Variants in XKR4 observed in about 807,000 individuals in gnomAD.
XKR4 encodes XK-related protein 4.
A neutral mutation model predicts 53.9 loss-of-function variants in XKR4; 12 were observed. The observed-to-expected ratio is 0.22, with a 90% CI of 0.14 to 0.36. The LOEUF (loss-of-function observed/expected upper bound fraction) is 0.36, where lower values mean the gene tolerates loss of function less well. Among genes scored for constraint, XKR4 ranks in the 10% least tolerant of loss-of-function variants. XKR4 has a pLI of 1.00. For missense variants in XKR4, 799 were observed against 859.5 expected (o/e 0.93, Z 0.88); for synonymous variants, 354 against 362.4 (o/e 0.98, Z 0.26).
At chr8:55,119,423 A>G (rs905633334) in intron 1 of XKR4, among the ~76,000 whole-genome samples, 3 of 151,486 alleles carry the variant, frequency 2.0e-5, no homozygotes, top group East Asian at 1.9e-4. Flanking sequence ...TGTTAAGCAG[A>G]AAAAAAAAGG....
At chr8:55,382,768 G>GTT (rs200178560) in intron 2 of XKR4, among the ~76,000 whole-genome samples, 2 of 151,314 alleles carry the variant, frequency 1.3e-5, no homozygotes, top group East Asian at 3.9e-4. Flanking sequence ...TTAGCATCTG[G>GTT]TTTTTTTTTA....
intron 1 of XKR4, among the ~76,000 whole-genome samples, chr8:55,351,313 T>G (rs1291094373): frequency 6.6e-6 from 1 of 152,210 alleles, no homozygotes; most frequent in African/African-American, 2.4e-5. Flanking sequence ...TGTCTTATTA[T>G]GTGAAACTCT....
rs74342108 is a variant in XKR4 at position 55,129,859 on chromosome 8, C to T, written c.806+26565C>T. ...TTCTACCTGTAGGGTTTCTGAGACA[C>T]AGAGAGGAGCGGTGTTAAGAGCACG... On this transcript the variant is annotated intron_variant, in intron 1 of 2. Transcript: ENST00000327381. Among the ~76,000 whole-genome samples the T allele has an allele frequency of 6.3e-3, 964 of 152,190 alleles. 11 individuals carry two copies. The highest frequency in any genetic ancestry group is 0.022 in the African/African-American group (927 of 41,516).
intron 2 of XKR4, 65 bp from the exon 3 acceptor site, chr8:55,523,216 G>A: frequency 7.1e-7 from 1 of 1,412,404 alleles, no homozygotes; most frequent in Non-Finnish European, 9.5e-7. Context: ...CCAGCTCTGT[G>A]TGACTTCCAG....
chr8:55,361,299 G>A (rs1416917979), intron 2 of XKR4, among the ~76,000 whole-genome samples: 1 of 152,008 alleles, frequency 6.6e-6, no homozygotes, highest in Admixed American at 6.6e-5. Flanking sequence ...GGGAGAGGAG[G>A]GCAGGCAGGA....
At chr8:55,333,031 T>C (rs1478982761) in intron 1 of XKR4, among the ~76,000 whole-genome samples, 1 of 152,046 alleles carries the variant, frequency 6.6e-6, no homozygotes, top group African/African-American at 2.4e-5. Flanking sequence ...AATTTTTCAA[T>C]TCATTTATTA....
chr8:55,273,752 C>G (rs1251625250), intron 1 of XKR4, among the ~76,000 whole-genome samples: 2 of 152,198 alleles, frequency 1.3e-5, no homozygotes, highest in Non-Finnish European at 2.9e-5. Flanking sequence ...GCCAAGTTAT[C>G]CTTAAAAACG....
In XKR4 at chr8:55,131,634, G is replaced by A. The variant is rs898637970; in HGVS notation, c.806+28340G>A. Among the ~76,000 whole-genome samples the A allele has an allele frequency of 9.2e-5, 14 of 152,284 alleles. No individual in the cohort carries two copies. The East Asian group carries it at 2.1e-3, about 23-fold the overall frequency. ...AGTGGAGTTAAATAACTCAGTGCGC[G>A]ATTGACATGCTCATCACAAGGCCTT... On this transcript the variant is annotated intron_variant, in intron 1 of 2. Transcript: ENST00000327381.
intron 1 of XKR4, among the ~76,000 whole-genome samples, chr8:55,157,997 T>C (rs1416577600): frequency 6.6e-6 from 1 of 152,238 alleles, no homozygotes; most frequent in Non-Finnish European, 1.5e-5. Flanking sequence ...TGTGTCTTTA[T>C]GGTAGAATGA....
At chr8:55,447,705 G>A (rs1380630189) in intron 2 of XKR4, among the ~76,000 whole-genome samples, 3 of 152,172 alleles carry the variant, frequency 2.0e-5, no homozygotes, top group Non-Finnish European at 4.4e-5. Context: ...GTTAAAGATT[G>A]CAATAAAATT....
chr8:55,444,369 A>G (rs1270480097), intron 2 of XKR4, among the ~76,000 whole-genome samples: 2 of 152,228 alleles, frequency 1.3e-5, no homozygotes, highest in Non-Finnish European at 2.9e-5. Flanking sequence ...AGTTATTAAT[A>G]AATTCAACTA....
chr8:55,498,556 G>A (rs1022372212), intron 2 of XKR4, among the ~76,000 whole-genome samples: 2 of 152,106 alleles, frequency 1.3e-5, no homozygotes, highest in Non-Finnish European at 2.9e-5. Context: ...GAGGTGGGAG[G>A]ATCACTTGAG....
intron 1 of XKR4, among the ~76,000 whole-genome samples, chr8:55,216,061 C>T (rs1295145586): frequency 6.6e-6 from 1 of 152,088 alleles, no homozygotes; most frequent in East Asian, 1.9e-4. Context: ...ATAAACCAGA[C>T]AATTGTGGAA....
intron 2 of XKR4, among the ~76,000 whole-genome samples, chr8:55,445,140 C>T (rs1478203732): frequency 6.6e-6 from 1 of 152,148 alleles, no homozygotes; most frequent in Non-Finnish European, 1.5e-5. Context: ...TCACTGCAAG[C>T]TCCGCCTCCC....
At chr8:55,358,788 C>T (rs1441204531) in intron 2 of XKR4, among the ~76,000 whole-genome samples, 1 of 152,210 alleles carries the variant, frequency 6.6e-6, no homozygotes, top group African/African-American at 2.4e-5. Flanking sequence ...CTCTGTGCGC[C>T]CCTCTGGGCA....
At chr8:55,463,434 A>G (rs973695422) in intron 2 of XKR4, among the ~76,000 whole-genome samples, 1 of 151,568 alleles carries the variant, frequency 6.6e-6, no homozygotes, top group Non-Finnish European at 1.5e-5. Flanking sequence ...CAACGAGAAC[A>G]AAGACACAAC....
chr8:55,458,227 A>G (rs1329479033), intron 2 of XKR4, among the ~76,000 whole-genome samples: 1 of 152,256 alleles, frequency 6.6e-6, no homozygotes, highest in Non-Finnish European at 1.5e-5. Context: ...TTGAAATGAG[A>G]TAGTTCCCTT....
At position 55,254,670 on chromosome 8, in the gene XKR4, G is replaced by A. The variant is rs924691997; in HGVS notation, c.807-103008G>A. The stretch of plus-strand genomic sequence containing the variant: ...AGGTTGTGCCTGGAGGCTGGGGAAC[G>A]ATATGCCAAACTGTTCGGGGAACCC... On this transcript the variant is annotated intron_variant, in intron 1 of 2. Transcript: ENST00000327381. 3.9e-5 allele frequency among the ~76,000 whole-genome samples: 6 copies of A among 152,162 alleles called. No homozygotes were observed. The South Asian group carries it at 6.2e-4, about 16-fold the overall frequency.
chr8:55,531,398 T>C lies in XKR4; in HGVS notation c.*7171T>C, dbSNP rs762921703. The C allele has an allele frequency of 1.4e-4, 22 of 152,076 alleles. No homozygotes were observed. The highest frequency in any genetic ancestry group is 2.5e-4 in the Non-Finnish European group (17 of 67,952). 9.4% of individuals were successfully genotyped at this position (152,076 alleles called of 1,614,324 possible). On this transcript the variant is annotated 3_prime_UTR_variant, in exon 3 of 3. Transcript: ENST00000327381. ...TTATTGTCTTATGGGATCGCTGTCA[T>C]ATGTGCAGTCTATTATTGACCAAAA...
Sources: gnomAD v4.1 joint callset for allele counts (sites outside exome capture counted in the v4.1 genomes callset) on GRCh38, gnomAD v4.1.1 for gene constraint, MANE v1.5 for transcripts, NCBI Gene and HGNC (gene_info 2026-07-23, HGNC 2026-07-21) for gene names.